The following SCAPER variants were observed in gnomAD, a reference collection of about 807,000 sequenced individuals.
The protein encoded by SCAPER is S-phase cyclin A associated protein in the ER, also known as S phase cyclin A-associated protein in the endoplasmic reticulum.
SCAPER carries 98 observed loss-of-function variants against 182.2 expected under a neutral mutation model. The ratio of observed to expected loss-of-function variants is 0.54; its 90% CI spans 0.46 to 0.64. The LOEUF is 0.64. Among genes scored for constraint, SCAPER ranks in the 30% least tolerant of loss-of-function variants. SCAPER has a pLI of 0.00. For missense variants in SCAPER, 1,432 were observed against 1,690.0 expected (o/e 0.85, Z 2.68); for synonymous variants, 605 against 564.6 (o/e 1.07, Z -1.01).
intron 8 of SCAPER, among the ~76,000 whole-genome samples, chr15:76,790,010 C>T (rs1297839926): frequency 1.3e-5 from 2 of 151,910 alleles, no homozygotes; most frequent in African/African-American, 2.4e-5. Context: ...GGGCGGATCA[C>T]GAGGTCAGGA....
At chr15:76,541,533 C>G (rs1240582158) in intron 23 of SCAPER, among the ~76,000 whole-genome samples, 1 of 152,190 alleles carries the variant, frequency 6.6e-6, no homozygotes, top group African/African-American at 2.4e-5. Context: ...TTCCTCACCA[C>G]CCAAAGACAT....
intron 20 of SCAPER, among the ~76,000 whole-genome samples, chr15:76,681,849 C>T (rs930614202): frequency 6.6e-6 from 1 of 152,166 alleles, no homozygotes; most frequent in African/African-American, 2.4e-5. Context: ...GTGGGAACGT[C>T]TGCAGTAGAG....
chr15:76,394,936 T>C (rs1394687637), intron 27 of SCAPER, among the ~76,000 whole-genome samples: 1 of 152,200 alleles, frequency 6.6e-6, no homozygotes, highest in African/African-American at 2.4e-5. Flanking sequence ...ATATTTAGTC[T>C]TATTCATTCT....
intron 21 of SCAPER, among the ~76,000 whole-genome samples, chr15:76,624,280 T>C (rs2052372793): frequency 6.6e-6 from 1 of 152,170 alleles, no homozygotes; most frequent in African/African-American, 2.4e-5. Context: ...ATCAAGAATA[T>C]AATCCCATTT....
rs573552847 is a variant in SCAPER at position 76,633,791 on chromosome 15, C to G, written c.2646-11962G>C. On this transcript the variant is annotated intron_variant, in intron 21 of 31. Coordinates refer to ENST00000563290, the MANE Select transcript of SCAPER (RefSeq NM_020843.4). ...TACTGGCACCTGCAGCAGGGGAAAA[C>G]AGCTGACTGGAGCCACAGTGATGGT... Among the ~76,000 whole-genome samples, 5 of 152,356 alleles carry G rather than the reference C, an allele frequency of 3.3e-5. No homozygotes were observed. In the East Asian group the frequency reaches 9.7e-4, roughly 29 times the overall value.
At chr15:76,557,954 G>T (rs1049176180) in intron 23 of SCAPER, among the ~76,000 whole-genome samples, 2 of 152,106 alleles carry the variant, frequency 1.3e-5, no homozygotes, top group African/African-American at 4.8e-5. Flanking sequence ...ATATGCAGAA[G>T]ATTGAAACTG....
chr15:76,852,144 A>T (rs904689918), intron 4 of SCAPER, among the ~76,000 whole-genome samples: 1 of 152,182 alleles, frequency 6.6e-6, no homozygotes, highest in African/African-American at 2.4e-5. Flanking sequence ...ACCTAACTAT[A>T]CTAAATATAT....
chr15:76,618,817 A>G (rs1005483313), intron 22 of SCAPER, among the ~76,000 whole-genome samples: 1 of 152,216 alleles, frequency 6.6e-6, no homozygotes, highest in Admixed American at 6.5e-5. Flanking sequence ...AAAGAAAGTG[A>G]TATACAAATG....
chr15:76,776,680 GAT>G (rs573906849), intron 8 of SCAPER, among the ~76,000 whole-genome samples: 109 of 152,140 alleles, frequency 7.2e-4, no homozygotes, highest in Non-Finnish European at 7.2e-4. Flanking sequence ...GTAACAAGGT[GAT>G]ATGAGTCACT....
At chr15:76,684,824 T>A (rs1272854287) in intron 20 of SCAPER, among the ~76,000 whole-genome samples, 3 of 152,024 alleles carry the variant, frequency 2.0e-5, no homozygotes, top group South Asian at 4.1e-4. Flanking sequence ...TTTCAAGGAA[T>A]TTCTTTCAAA....
chr15:76,738,279 C>T (rs1369568804), intron 15 of SCAPER, among the ~76,000 whole-genome samples: 2 of 152,066 alleles, frequency 1.3e-5, no homozygotes, highest in Admixed American at 6.6e-5. Context: ...TAAGCATGTG[C>T]GACCACATCT....
chr15:76,373,227 T>C (rs1392606410), intron 29 of SCAPER, among the ~76,000 whole-genome samples: 1 of 152,044 alleles, frequency 6.6e-6, no homozygotes, highest in East Asian at 1.9e-4. Context: ...TCTGTATTTT[T>C]AGTAGAGACA....
chr15:76,704,299 T>G (rs181690508), intron 18 of SCAPER, among the ~76,000 whole-genome samples: 7 of 152,274 alleles, frequency 4.6e-5, no homozygotes, highest in Admixed American at 4.6e-4. Context: ...GGTAGTTTCT[T>G]TTGCTGTGCA....
intron 4 of SCAPER, among the ~76,000 whole-genome samples, chr15:76,848,535 C>T (rs2070378720): frequency 6.7e-6 from 1 of 149,272 alleles, no homozygotes; most frequent in East Asian, 2.0e-4. Flanking sequence ...GGGGTTTCAC[C>T]GTGTTAGCCA....
chr15:76,558,554 G>C (rs1443056810), intron 23 of SCAPER, among the ~76,000 whole-genome samples: 2 of 152,180 alleles, frequency 1.3e-5, no homozygotes, highest in East Asian at 3.9e-4. Context: ...TGAGAAAAGG[G>C]ATTGCTTATA....
At chr15:76,728,564 A>T (rs952195022) in intron 17 of SCAPER, 31 bp downstream of exon 17, 32 of 1,612,296 alleles carry the variant, frequency 2.0e-5, no homozygotes, top group African/African-American at 2.7e-5. Flanking sequence ...CACTCAGTGC[A>T]AAATGTTCAT....
chr15:76,683,749 G>T (rs377407782), intron 20 of SCAPER, among the ~76,000 whole-genome samples: 1 of 152,030 alleles, frequency 6.6e-6, no homozygotes, highest in African/African-American at 2.4e-5. Context: ...GACACTGTAG[G>T]GGGTGGGGGG....
intron 5 of SCAPER, among the ~76,000 whole-genome samples, chr15:76,826,292 C>T (rs1366975012): frequency 6.6e-6 from 1 of 151,056 alleles, no homozygotes; most frequent in Non-Finnish European, 1.5e-5. Context: ...AATCATCATT[C>T]TCAGTAAACT....
intron 22 of SCAPER, 39 bp downstream of exon 22, chr15:76,621,724 TA>T (rs1335393890): frequency 6.7e-7 from 1 of 1,501,430 alleles, no homozygotes; most frequent in African/African-American, 1.4e-5. Context: ...GTTACAGGCA[TA>T]GACTGAAGAA....
Sources: gnomAD v4.1 joint callset for allele counts (sites outside exome capture counted in the v4.1 genomes callset) on GRCh38, gnomAD v4.1.1 for gene constraint, MANE v1.5 for transcripts, NCBI Gene and HGNC (gene_info 2026-07-23, HGNC 2026-07-21) for gene names.